The following PPARGC1A variants were observed in gnomAD, a reference collection of about 807,000 sequenced individuals.
The protein encoded by PPARGC1A is peroxisome proliferator-activated receptor gamma coactivator 1-alpha.
In PPARGC1A, 25 loss-of-function variants were observed where a neutral mutation model predicts 88.7. The observed-to-expected ratio is 0.28, with a 90% CI of 0.21 to 0.39. PPARGC1A has a LOEUF of 0.39. PPARGC1A is among the 10% of genes least tolerant of loss of function. The probability of loss-of-function intolerance (pLI) is 1.00; values close to 1 mark genes in which losing one functional copy is unlikely to be tolerated. For missense variants in PPARGC1A, 880 were observed against 968.7 expected (o/e 0.91, Z 1.22); for synonymous variants, 363 against 355.6 (o/e 1.02, Z -0.24).
At chr4:23,916,890 T>C in the PPARGC1A span, among the ~76,000 whole-genome samples, 1 of 152,228 alleles carries the variant, frequency 6.6e-6, no homozygotes. Context: ...TGTATTAACA[T>C]GAACATTTTT....
the PPARGC1A span, among the ~76,000 whole-genome samples, chr4:24,437,879 G>A: frequency 6.6e-6 from 1 of 151,980 alleles, no homozygotes; most frequent in Non-Finnish European, 1.5e-5. Flanking sequence ...GTTTCACCAT[G>A]TTGGCCAGGC....
At chr4:24,034,660 C>A in the PPARGC1A span, among the ~76,000 whole-genome samples, 1 of 152,094 alleles carries the variant, frequency 6.6e-6, no homozygotes, top group Non-Finnish European at 1.5e-5. Flanking sequence ...ACAGGTATAT[C>A]ATGATTAATT....
the PPARGC1A span, among the ~76,000 whole-genome samples, chr4:24,352,926 T>G: frequency 2.0e-5 from 3 of 152,264 alleles, 1 homozygote; most frequent in African/African-American, 7.2e-5. Flanking sequence ...TGGAGTTCCC[T>G]ACCAGTAAGT....
chr4:24,103,512 G>A, the PPARGC1A span, among the ~76,000 whole-genome samples: 1 of 149,034 alleles, frequency 6.7e-6, no homozygotes, highest in Non-Finnish European at 1.5e-5. Flanking sequence ...CACAGCTGCT[G>A]CAAGAAGCAC....
the PPARGC1A span, among the ~76,000 whole-genome samples, chr4:24,199,654 C>T: frequency 6.6e-6 from 1 of 152,096 alleles, no homozygotes; most frequent in African/African-American, 2.4e-5. Context: ...TTGTAACAGC[C>T]ATCACCCACG....
the PPARGC1A span, among the ~76,000 whole-genome samples, chr4:23,955,409 C>T: frequency 1.3e-5 from 2 of 151,900 alleles, no homozygotes; most frequent in African/African-American, 4.8e-5. Context: ...ATAAATTACT[C>T]CCTAGTATCT....
At chr4:24,304,598 A>T in the PPARGC1A span, among the ~76,000 whole-genome samples, 2 of 151,940 alleles carry the variant, frequency 1.3e-5, no homozygotes, top group African/African-American at 4.8e-5. Flanking sequence ...ACCTGTAACC[A>T]CCTCTCCATC....
chr4:24,376,759 C>A, the PPARGC1A span, among the ~76,000 whole-genome samples: 1 of 152,148 alleles, frequency 6.6e-6, no homozygotes, highest in Non-Finnish European at 1.5e-5. Context: ...CATACCTACA[C>A]GATGAACTTA....
In PPARGC1A at chr4:23,793,902, T is replaced by A. The variant is rs908058175; in HGVS notation, c.*1920A>T. 2.0e-5 allele frequency: 3 copies of A among 152,556 alleles called. No homozygotes were observed. The highest frequency in any genetic ancestry group is 7.2e-5 in the African/African-American group (3 of 41,458). The allele number at this position is 152,556 out of a possible 1,614,324, so 9.5% of individuals were successfully genotyped here. A position where few individuals can be genotyped will look rare whatever the true frequency, so the allele number is the denominator to read the frequency against. ...GGTAGAAAATTTCCACTGGCTTTAT[T>A]ATTTTCATCATCTCATAATTTATAA... On this transcript the variant is annotated 3_prime_UTR_variant, in exon 13 of 13. Transcript: ENST00000264867.
At chr4:24,262,432 C>T in the PPARGC1A span, among the ~76,000 whole-genome samples, 1 of 152,074 alleles carries the variant, frequency 6.6e-6, no homozygotes. Flanking sequence ...TCTGACAGTA[C>T]CCACCACACA....
the PPARGC1A span, among the ~76,000 whole-genome samples, chr4:23,920,046 C>A: frequency 6.6e-6 from 1 of 152,182 alleles, no homozygotes; most frequent in East Asian, 1.9e-4. Context: ...CTGTTTGACC[C>A]TTGAGGTCCA....
At chr4:24,277,429 T>C in the PPARGC1A span, among the ~76,000 whole-genome samples, 1 of 151,976 alleles carries the variant, frequency 6.6e-6, no homozygotes, top group Non-Finnish European at 1.5e-5. Flanking sequence ...TCTGTCTCAC[T>C]CCTCTTCTTG....
chr4:24,441,644 C>CA, the PPARGC1A span, among the ~76,000 whole-genome samples: 1,484 of 149,446 alleles, frequency 9.9e-3, 16 homozygotes, highest in Admixed American at 0.014. Flanking sequence ...GGCTATTGTC[C>CA]AAAAAAAAGG....
chr4:23,908,386 C>T (rs1292431690), upstream of PPARGC1A, among the ~76,000 whole-genome samples: 1 of 152,038 alleles, frequency 6.6e-6, no homozygotes, highest in Admixed American at 6.6e-5. Flanking sequence ...TACACTATAA[C>T]TACCCAAAGT....
At chr4:23,876,744 G>A (rs1444767228) in intron 2 of PPARGC1A, among the ~76,000 whole-genome samples, 1 of 151,900 alleles carries the variant, frequency 6.6e-6, no homozygotes, top group African/African-American at 2.4e-5. Flanking sequence ...AAACTCAATG[G>A]GGGCTCACTC....
chr4:23,968,260 G>A, the PPARGC1A span, among the ~76,000 whole-genome samples: 3 of 152,206 alleles, frequency 2.0e-5, no homozygotes, highest in African/African-American at 7.2e-5. Flanking sequence ...AACATATTCA[G>A]TAGGGCATAC....
chr4:23,806,285 A>C (rs1198706893), intron 10 of PPARGC1A, among the ~76,000 whole-genome samples: 1 of 152,232 alleles, frequency 6.6e-6, no homozygotes, highest in Non-Finnish European at 1.5e-5. Flanking sequence ...CTAGAAAGCA[A>C]AGACAAAAAT....
the PPARGC1A span, among the ~76,000 whole-genome samples, chr4:24,202,631 G>A: frequency 6.6e-6 from 1 of 152,102 alleles, no homozygotes; most frequent in African/African-American, 2.4e-5. Flanking sequence ...CTGTCCATAT[G>A]AGTCAACTCT....
the PPARGC1A span, among the ~76,000 whole-genome samples, chr4:24,179,973 C>T: frequency 1.3e-5 from 2 of 152,096 alleles, no homozygotes; most frequent in Non-Finnish European, 2.9e-5. Flanking sequence ...ATAGATCCTA[C>T]CCACCATGCT....
Sources: allele counts gnomAD v4.1 joint callset (sites outside exome capture counted in the v4.1 genomes callset), GRCh38; gene constraint gnomAD v4.1.1; transcripts MANE v1.5; gene names NCBI Gene and HGNC (gene_info 2026-07-23, HGNC 2026-07-21).